The following TASP1 variants were observed in gnomAD, a reference collection of about 807,000 sequenced individuals.
TASP1 encodes the protein taspase 1, also known as threonine aspartase 1.
TASP1 carries 16 observed loss-of-function variants against 56.6 expected under a neutral mutation model. The observed-to-expected ratio is 0.28, with a 90% CI of 0.19 to 0.43. The LOEUF (loss-of-function observed/expected upper bound fraction) is 0.43, where lower values mean the gene tolerates loss of function less well. Ranked by LOEUF, TASP1 falls within the 20% of genes least tolerant of loss-of-function variation. The probability of loss-of-function intolerance (pLI) is 1.00; values close to 1 mark genes in which losing one functional copy is unlikely to be tolerated. For synonymous variants in TASP1, 179 were observed against 184.2 expected (o/e 0.97, Z 0.23); for missense variants, 393 against 511.6 (o/e 0.77, Z 2.24).
At chr20:13,368,960 T>A in the TASP1 span, among the ~76,000 whole-genome samples, 1 of 151,986 alleles carries the variant, frequency 6.6e-6, no homozygotes, top group Non-Finnish European at 1.5e-5. Flanking sequence ...TACTACAATT[T>A]TTAAAATTTT....
intron 13 of TASP1, among the ~76,000 whole-genome samples, chr20:13,401,193 C>T (rs1207712446): frequency 6.6e-6 from 1 of 152,168 alleles, no homozygotes; most frequent in Non-Finnish European, 1.5e-5. Flanking sequence ...CATATTTTAA[C>T]ATAAAATTTT....
chr20:13,247,161 G>A, the TASP1 span, among the ~76,000 whole-genome samples: 2 of 152,060 alleles, frequency 1.3e-5, no homozygotes, highest in African/African-American at 4.8e-5. Flanking sequence ...AACCTGGGAG[G>A]CAGAGGTTTC....
intron 10 of TASP1, among the ~76,000 whole-genome samples, chr20:13,492,333 GA>G (rs2043563385): frequency 6.6e-6 from 1 of 152,126 alleles, no homozygotes; most frequent in Non-Finnish European, 1.5e-5. Context: ...AATTTAAAAG[GA>G]AACATTTGGT....
chr20:13,583,443 T>C (rs12106089), intron 5 of TASP1, among the ~76,000 whole-genome samples: 3 of 152,334 alleles, frequency 2.0e-5, no homozygotes, highest in African/African-American at 7.2e-5. Flanking sequence ...TGCCCTAGGA[T>C]ACATTTTTGA....
chr20:13,407,108 T>G (rs945950496), intron 13 of TASP1, among the ~76,000 whole-genome samples: 1 of 152,236 alleles, frequency 6.6e-6, no homozygotes, highest in Non-Finnish European at 1.5e-5. Context: ...ATAATTCATA[T>G]ATCAGAAAAT....
the TASP1 span, among the ~76,000 whole-genome samples, chr20:13,271,426 A>C: frequency 6.6e-6 from 1 of 152,166 alleles, no homozygotes; most frequent in Non-Finnish European, 1.5e-5. Context: ...TCTCACCTAC[A>C]CTGAAATAGC....
intron 10 of TASP1, among the ~76,000 whole-genome samples, chr20:13,527,625 C>A (rs1189012550): frequency 1.3e-5 from 2 of 152,072 alleles, no homozygotes; most frequent in African/African-American, 4.8e-5. Context: ...CGCACGCACA[C>A]ACACATACGC....
chr20:13,313,705 A>G, the TASP1 span, among the ~76,000 whole-genome samples: 1 of 152,240 alleles, frequency 6.6e-6, no homozygotes, highest in Admixed American at 6.5e-5. Flanking sequence ...TTTTACCAAT[A>G]TATCATGTCC....
At chr20:13,136,164 AAGG>A in the TASP1 span, among the ~76,000 whole-genome samples, 1 of 152,184 alleles carries the variant, frequency 6.6e-6, no homozygotes, top group Non-Finnish European at 1.5e-5. Flanking sequence ...CCTTAAACTG[AAGG>A]AGTTTCTGGG....
the TASP1 span, among the ~76,000 whole-genome samples, chr20:13,174,787 C>G: frequency 2.4e-3 from 369 of 151,974 alleles, 1 homozygote; most frequent in African/African-American, 8.6e-3. Context: ...TAAAAATGTA[C>G]AGGTCTCTTT....
At chr20:13,388,685 G>A (rs534881993), downstream of TASP1, among the ~76,000 whole-genome samples, 1 of 152,232 alleles carries the variant, frequency 6.6e-6, no homozygotes, top group African/African-American at 2.4e-5. Context: ...AAAAGCTTTT[G>A]AAGCCAAAGG....
At chr20:13,156,322 G>C in the TASP1 span, among the ~76,000 whole-genome samples, 5 of 152,238 alleles carry the variant, frequency 3.3e-5, no homozygotes, top group East Asian at 7.7e-4. Flanking sequence ...TTGGAAAAAT[G>C]AACCAACCCA....
intron 6 of TASP1, among the ~76,000 whole-genome samples, chr20:13,573,755 T>C (rs1489838151): frequency 2.0e-5 from 3 of 152,080 alleles, no homozygotes; most frequent in African/African-American, 7.2e-5. Context: ...AGACAAAATA[T>C]AGAAAATAAC....
chr20:13,624,536 A>G (rs1459304225), intron 3 of TASP1, among the ~76,000 whole-genome samples: 3 of 152,196 alleles, frequency 2.0e-5, no homozygotes, highest in Non-Finnish European at 4.4e-5. Flanking sequence ...AGAGAGACGC[A>G]TATTTACTTG....
chr20:13,603,749 A>G (rs994449277), intron 4 of TASP1, among the ~76,000 whole-genome samples: 3 of 152,222 alleles, frequency 2.0e-5, no homozygotes, highest in Non-Finnish European at 2.9e-5. Flanking sequence ...GCTTAGCATC[A>G]TTAGCCATAA....
chr20:13,120,359 T>TA, the TASP1 span, among the ~76,000 whole-genome samples: 1 of 152,080 alleles, frequency 6.6e-6, no homozygotes, highest in African/African-American at 2.4e-5. Flanking sequence ...AAATTGAACA[T>TA]AAAAAAAGTT....
At chr20:13,365,786 T>C in the TASP1 span, among the ~76,000 whole-genome samples, 1 of 151,978 alleles carries the variant, frequency 6.6e-6, no homozygotes, top group Non-Finnish European at 1.5e-5. Flanking sequence ...TGGAAACAAG[T>C]AGGGAAGAGA....
the TASP1 span, among the ~76,000 whole-genome samples, chr20:13,225,934 CATAGGCAATA>C: frequency 2.0e-5 from 3 of 151,880 alleles, no homozygotes; most frequent in African/African-American, 7.3e-5. Flanking sequence ...ATATAGAATC[CATAGGCAATA>C]ATAGTACTAA....
the TASP1 span, among the ~76,000 whole-genome samples, chr20:13,224,394 G>A: frequency 6.6e-6 from 1 of 152,142 alleles, no homozygotes; most frequent in Admixed American, 6.6e-5. Context: ...TCGTTTTCAG[G>A]CCCCAGAAAG....
Sources: gnomAD v4.1 joint callset for allele counts (sites outside exome capture counted in the v4.1 genomes callset) on GRCh38, gnomAD v4.1.1 for gene constraint, MANE v1.5 for transcripts, NCBI Gene and HGNC (gene_info 2026-07-23, HGNC 2026-07-21) for gene names.